OSBPL3: variants seen among roughly 807,000 people sequenced by gnomAD.
The protein encoded by OSBPL3 is oxysterol binding protein like 3, also known as oxysterol-binding protein-related protein 3.
In OSBPL3, 65 loss-of-function variants were observed where a neutral mutation model predicts 120.1. The ratio of observed to expected loss-of-function variants is 0.54; its 90% CI spans 0.44 to 0.67. The LOEUF is 0.67. OSBPL3 is among the 30% of genes least tolerant of loss of function. The pLI is 0.00. For synonymous variants in OSBPL3, 416 were observed against 402.6 expected (o/e 1.03, Z -0.40); for missense variants, 1,004 against 1,082.1 (o/e 0.93, Z 1.01).
chr7:24,872,099 G>C lies in OSBPL3; in HGVS notation c.97-30C>G. ...TCCAACAAAAGAGTTCATGTTAAAT[G>C]TCTATCTTTTTGAAAAATAATAATG... On this transcript the variant is annotated intron_variant, in intron 2 of 22. Coordinates refer to ENST00000313367, the MANE Select transcript of OSBPL3 (RefSeq NM_015550.4). This position sits in a 1 kb window ranked among gnomAD's most constrained non-coding sequence, Gnocchi z 4.1. 7.0e-7 allele frequency: 1 copy of C among 1,421,034 alleles called. No individual in the cohort carries two copies. Among genetic ancestry groups the C allele is most frequent in the African/African-American group, 1.4e-5 (1 of 71,208 alleles). The allele number at this position is 1,421,034 out of a possible 1,614,324, so 88.0% of individuals were successfully genotyped here.
At chr7:24,920,039 C>A (rs1810200504) in intron 1 of OSBPL3, among the ~76,000 whole-genome samples, 1 of 151,986 alleles carries the variant, frequency 6.6e-6, no homozygotes, top group Non-Finnish European at 1.5e-5. Flanking sequence ...GAAACTGGGA[C>A]CTTACACAGT....
Position 24,835,467 on chromosome 7 carries a change from G to A in OSBPL3, c.1496-731C>T, listed in dbSNP as rs1023848643. 6.6e-6 allele frequency among the ~76,000 whole-genome samples: 1 copy of A among 152,080 alleles called. No individual in the cohort carries two copies. The highest frequency in any genetic ancestry group is 2.4e-5 in the African/African-American group (1 of 41,420). On this transcript the variant is annotated intron_variant, in intron 14 of 22. Transcript: ENST00000313367. The surrounding 1 kb of genome is among the most constrained non-coding windows in gnomAD (Gnocchi z 4.8). ...GGGAATACTTATACACTACTGGCGG[G>A]AATGTAATTAGCTCAGCCATTGTGG... is the stretch of plus-strand genomic sequence containing the variant.
intron 7 of OSBPL3, among the ~76,000 whole-genome samples, chr7:24,864,220 A>G (rs1328745912): frequency 6.6e-6 from 1 of 152,208 alleles, no homozygotes; most frequent in Non-Finnish European, 1.5e-5. Flanking sequence ...CTAACTCAAA[A>G]GATAGTCCAT....
rs371647658 is a variant in OSBPL3, at chr7:24,861,814, G to A, written c.871-45C>T. The stretch of plus-strand genomic sequence containing the variant: ...AGATATTTCTTTTCAGATGCAGATT[G>A]CTTAGAATATTTACTTGATTCTAAG... On this transcript the variant is annotated intron_variant, in intron 9 of 22. Coordinates refer to ENST00000313367, the MANE Select transcript of OSBPL3 (RefSeq NM_015550.4). 5.7e-4 allele frequency: 757 copies of A among 1,338,474 alleles called. 2 individuals are homozygous for A. Among genetic ancestry groups the A allele is most frequent in the Non-Finnish European group, 5.4e-4 (528 of 977,596 alleles). The allele number at this position is 1,338,474 out of a possible 1,614,324, so 82.9% of individuals were successfully genotyped here. A position where few individuals can be genotyped will look rare whatever the true frequency, so the allele number is the denominator to read the frequency against.
At chr7:24,880,883 A>G (rs1237275791) in intron 2 of OSBPL3, among the ~76,000 whole-genome samples, 1 of 152,168 alleles carries the variant, frequency 6.6e-6, no homozygotes, top group Non-Finnish European at 1.5e-5. Flanking sequence ...GACTGTTTTA[A>G]TATTTTACCT....
At position 24,922,437 on chromosome 7, in the gene OSBPL3, G is replaced by A. The variant is rs1293188222; in HGVS notation, c.-149-29816C>T. Reference sequence around the variant, plus strand: ...TTGTATGGCTGAGTGACCAGCGTGGGAGGGAAATTAAGTTTTCGGTGGATA... The same window carrying A: ...TTGTATGGCTGAGTGACCAGCGTGGAAGGGAAATTAAGTTTTCGGTGGATA... On this transcript the variant is annotated intron_variant, in intron 1 of 22. Coordinates refer to ENST00000313367, the MANE Select transcript of OSBPL3 (RefSeq NM_015550.4). The surrounding 1 kb of genome is among the most constrained non-coding windows in gnomAD (Gnocchi z 4.3). Among the ~76,000 whole-genome samples, 7 of 152,124 alleles carry A rather than the reference G, an allele frequency of 4.6e-5. No individual in the cohort carries two copies. The highest frequency in any genetic ancestry group is 7.4e-5 in the Non-Finnish European group (5 of 68,026).
chr7:24,901,426 G>A (rs1209396287), intron 1 of OSBPL3, among the ~76,000 whole-genome samples: 3 of 152,032 alleles, frequency 2.0e-5, no homozygotes, highest in Non-Finnish European at 4.4e-5. Context: ...TCCTGATTAA[G>A]AGCCATGATT....
chr7:24,870,820 C>G lies in OSBPL3; in HGVS notation c.293G>C (p.Cys98Ser). The change falls in exon 5 of 23, where the codon TGC (cysteine) becomes TCC (serine). Residue 98 changes from cysteine to serine, a missense_variant. Transcript: ENST00000313367. ...CATCACTGAGAGCCCGACATCAATGCAGCCATGCAGCTTCTCTCTCTCTAT... is the reference window on the plus strand; with the variant it reads ...CATCACTGAGAGCCCGACATCAATGGAGCCATGCAGCTTCTCTCTCTCTAT... ...TDIEREKLHG[C>S]IDVGLSVMSV... is the part of the protein sequence containing the mutation. The G allele has an allele frequency of 6.2e-7, 1 of 1,613,280 alleles. No homozygotes were observed. Among genetic ancestry groups the G allele is most frequent in the Non-Finnish European group, 8.5e-7 (1 of 1,179,214 alleles).
intron 1 of OSBPL3, among the ~76,000 whole-genome samples, chr7:24,911,278 T>C (rs135): frequency 0.31 from 46,523 of 152,032 alleles, 7,195 homozygotes; most frequent in South Asian, 0.4. Flanking sequence ...TATCAGTGGG[T>C]GTTATTACGC....
At chr7:24,882,341 G>A (rs1803823025) in intron 2 of OSBPL3, among the ~76,000 whole-genome samples, 1 of 148,476 alleles carries the variant, frequency 6.7e-6, no homozygotes, top group Non-Finnish European at 1.5e-5. Flanking sequence ...TCACTTATGA[G>A]AACATGTGAT....
chr7:24,828,606 G>GAAAAAAAAAAAAAAAA (rs1190652256), intron 16 of OSBPL3, among the ~76,000 whole-genome samples: 8 of 32,522 alleles, frequency 2.5e-4, no homozygotes, highest in Admixed American at 4.5e-4. Context: ...GACTCTGTCT[G>GAAAAAAAAAAAAAAAA]AAAAAAAAAA....
In OSBPL3 at chr7:24,819,708, C is replaced by T. The variant is rs1170867314; in HGVS notation, c.1948+467G>A. Among the ~76,000 whole-genome samples, 1 of 151,882 alleles carries T rather than the reference C, an allele frequency of 6.6e-6. No individual in the cohort carries two copies. The highest frequency in any genetic ancestry group is 1.9e-4 in the East Asian group (1 of 5,190). On this transcript the variant is annotated intron_variant, in intron 17 of 22. Transcript: ENST00000313367. The surrounding 1 kb of genome is among the most constrained non-coding windows in gnomAD (Gnocchi z 4.1). ...AATTGAGAGATTAACAAAATTAATCCATCTAGGAAATATCTATAGCCTTAT... is the reference window on the plus strand; with the variant it reads ...AATTGAGAGATTAACAAAATTAATCTATCTAGGAAATATCTATAGCCTTAT...
In OSBPL3 at chr7:24,815,358, T is replaced by C. The variant is rs574658873; in HGVS notation, c.2028-155A>G. Among the ~76,000 whole-genome samples the C allele has an allele frequency of 6.6e-6, 1 of 152,324 alleles. No homozygotes were observed. The highest frequency in any genetic ancestry group is 1.9e-4 in the East Asian group (1 of 5,184). ...GGCTAAGTGTCTATGTCACACTGGA[T>C]GTTCTAGGAGCTTCCACTCTCCAAG... On this transcript the variant is annotated intron_variant, in intron 18 of 22. Coordinates refer to ENST00000313367, the MANE Select transcript of OSBPL3 (RefSeq NM_015550.4). The surrounding 1 kb of genome is among the most constrained non-coding windows in gnomAD (Gnocchi z 5.1).
chr7:24,825,737 G>A (rs891174824), intron 16 of OSBPL3, among the ~76,000 whole-genome samples: 8 of 152,228 alleles, frequency 5.3e-5, no homozygotes, highest in African/African-American at 1.9e-4. Context: ...AGTGATGGGT[G>A]TGGCAAGTAT....
In OSBPL3 at chr7:24,849,328, C is replaced by T. The variant is rs866013929; in HGVS notation, c.1159-152G>A. ...ACTTTCTGGACTTTTTCCTTGAATG[C>T]TCTCCAAGAGGATACTGGTTCTGAG... On this transcript the variant is annotated intron_variant, in intron 11 of 22. Coordinates refer to ENST00000313367, the MANE Select transcript of OSBPL3 (RefSeq NM_015550.4). The surrounding 1 kb of genome is among the most constrained non-coding windows in gnomAD (Gnocchi z 5.4). 12 of 538,104 alleles carry T rather than the reference C, an allele frequency of 2.2e-5. No individual in the cohort carries two copies. In the South Asian group the frequency reaches 2.6e-4, roughly 12 times the overall value. The allele number at this position is 538,104 out of a possible 1,614,324, so 33.3% of individuals were successfully genotyped here.
rs1462269073 is a variant in OSBPL3 at position 24,863,148 on chromosome 7, T to G, written c.870+52A>C. The G allele has an allele frequency of 7.7e-7, 1 of 1,300,768 alleles. No homozygotes were observed. 80.6% of individuals were successfully genotyped at this position (1,300,768 alleles called of 1,614,324 possible). ...TCAAGGTAGCTGCTGGCACACGGCA[T>G]GCAGAGCAGGGCCAATGAAGAAACC... On this transcript the variant is annotated intron_variant, in intron 9 of 22. Coordinates refer to ENST00000313367, the MANE Select transcript of OSBPL3 (RefSeq NM_015550.4). The surrounding 1 kb of genome is among the most constrained non-coding windows in gnomAD (Gnocchi z 5.8).
chr7:24,957,075 G>C (rs1416078496), intron 1 of OSBPL3, among the ~76,000 whole-genome samples: 2 of 152,122 alleles, frequency 1.3e-5, no homozygotes, highest in African/African-American at 4.8e-5. Flanking sequence ...TAGAACTGCT[G>C]TTTAAGCCAC....
At chr7:24,929,626 T>C (rs1811536435) in intron 1 of OSBPL3, among the ~76,000 whole-genome samples, 1 of 152,150 alleles carries the variant, frequency 6.6e-6, no homozygotes, top group Admixed American at 6.5e-5. Context: ...GAATAAGAAT[T>C]CATCAAGAAA....
intron 1 of OSBPL3, among the ~76,000 whole-genome samples, chr7:24,931,421 T>A (rs567581645): frequency 1.9e-4 from 29 of 151,960 alleles, no homozygotes; most frequent in Non-Finnish European, 3.5e-4. Context: ...TCCTGGGAGG[T>A]CTGATCTAAC....
Sources: allele counts gnomAD v4.1 joint callset (sites outside exome capture counted in the v4.1 genomes callset), GRCh38; gene constraint gnomAD v4.1.1; non-coding constraint Gnocchi (gnomAD v3.1); transcripts MANE v1.5; gene names NCBI Gene and HGNC (gene_info 2026-07-23, HGNC 2026-07-21).